The following TDRD12 variants were observed in gnomAD, a reference collection of about 807,000 sequenced individuals.
The protein encoded by TDRD12 is tudor domain containing 12.
Under a neutral mutation model 133.5 loss-of-function variants are expected in TDRD12, and 158 were observed. The observed-to-expected ratio is 1.18, with a 90% CI of 1.04 to 1.35. The LOEUF (loss-of-function observed/expected upper bound fraction) is 1.35. TDRD12 is among the 40% of genes most tolerant of loss of function. TDRD12 has a pLI of 0.00. For missense variants in TDRD12, 1,443 were observed against 1,321.3 expected (o/e 1.09, Z -1.43); for synonymous variants, 460 against 477.9 (o/e 0.96, Z 0.49).
At chr19:32,762,043 C>G (rs903114553) in intron 8 of TDRD12, among the ~76,000 whole-genome samples, 2 of 150,630 alleles carry the variant, frequency 1.3e-5, no homozygotes, top group African/African-American at 4.9e-5. Flanking sequence ...TTTTTGTCCT[C>G]TTAGTGTTGA....
At position 32,720,218 on chromosome 19, in the gene TDRD12, G is replaced by A. The variant is rs1339721159; in HGVS notation, c.24+122G>A. 1.8e-5 allele frequency: 19 copies of A among 1,041,936 alleles called. 1 individual carries two copies. The highest frequency in any genetic ancestry group is 1.5e-4 in the African/African-American group (7 of 47,864). 64.5% of individuals were successfully genotyped at this position (1,041,936 alleles called of 1,614,324 possible). The stretch of plus-strand genomic sequence containing the variant: ...AGCTTCCTACACCCACCGCAGCCCC[G>A]CACAGCCTCCCACCCCCGACCCCAA... On this transcript the variant is annotated intron_variant, in intron 1 of 27. Transcript: ENST00000444215.
At chr19:32,820,483 T>C (rs569594388) in intron 27 of TDRD12, among the ~76,000 whole-genome samples, 1 of 152,152 alleles carries the variant, frequency 6.6e-6, no homozygotes, top group Non-Finnish European at 1.5e-5. Context: ...CATTTAAAAA[T>C]TTTAAAATAA....
At chr19:32,784,586 T>G (rs1420044443) in intron 11 of TDRD12, among the ~76,000 whole-genome samples, 1 of 152,214 alleles carries the variant, frequency 6.6e-6, no homozygotes, top group Non-Finnish European at 1.5e-5. Flanking sequence ...TTTCTACCTC[T>G]GGTAGAATTC....
At chr19:32,738,767 T>C in intron 2 of TDRD12, 89 bp from the exon 3 acceptor site, 1 of 1,347,438 alleles carries the variant, frequency 7.4e-7, no homozygotes, top group Non-Finnish European at 1.0e-6. Flanking sequence ...GAGCTGAGAT[T>C]GTGCCACTGC....
intron 4 of TDRD12, among the ~76,000 whole-genome samples, chr19:32,747,605 A>G (rs1030883075): frequency 2.6e-5 from 4 of 152,134 alleles, no homozygotes; most frequent in South Asian, 2.1e-4. Context: ...AGCTTTTCCT[A>G]CAATTTTCTT....
At chr19:32,735,751 C>T (rs1406789050) in intron 2 of TDRD12, among the ~76,000 whole-genome samples, 2 of 152,160 alleles carry the variant, frequency 1.3e-5, no homozygotes, top group Non-Finnish European at 2.9e-5. Flanking sequence ...GGGTGGATCA[C>T]CTAAGGTCAG....
At chr19:32,771,261 CCCAGGTTCA>C (rs1215714173) in intron 8 of TDRD12, among the ~76,000 whole-genome samples, 2 of 152,196 alleles carry the variant, frequency 1.3e-5, no homozygotes, top group Non-Finnish European at 2.9e-5. Flanking sequence ...ACCTCCACTT[CCCAGGTTCA>C]AGTGATTCTC....
chr19:32,822,132 A>AAAACAAT (rs1967418790), downstream of TDRD12, among the ~76,000 whole-genome samples: 1 of 152,018 alleles, frequency 6.6e-6, no homozygotes, highest in Admixed American at 6.6e-5. Flanking sequence ...CAAAAAACAA[A>AAAACAAT]AACAAAAACA....
intron 11 of TDRD12, among the ~76,000 whole-genome samples, chr19:32,779,735 A>G (rs1970707780): frequency 2.0e-5 from 3 of 151,910 alleles, no homozygotes; most frequent in Non-Finnish European, 4.4e-5. Context: ...GTGAGTCTCA[A>G]CTCTGTGTGT....
intron 19 of TDRD12, 37 bp from the exon 20 acceptor site, chr19:32,802,619 C>G: frequency 6.5e-7 from 1 of 1,531,300 alleles, no homozygotes; most frequent in South Asian, 1.2e-5. Context: ...TGCGGTAACT[C>G]CAGCGCGTGT....
At chr19:32,780,880 C>G (rs2145629881) in intron 11 of TDRD12, among the ~76,000 whole-genome samples, 1 of 151,310 alleles carries the variant, frequency 6.6e-6, no homozygotes, top group South Asian at 2.1e-4. Flanking sequence ...GCCTCAACCT[C>G]CCGAGTAGCT....
At chr19:32,751,866 T>A (rs1193450784) in intron 6 of TDRD12, among the ~76,000 whole-genome samples, 2 of 151,854 alleles carry the variant, frequency 1.3e-5, no homozygotes. Flanking sequence ...ATTTTTAATT[T>A]TTATTATTTA....
chr19:32,731,107 A>G lies in TDRD12; in HGVS notation c.25-618A>G, dbSNP rs112102606. 4.7e-4 allele frequency among the ~76,000 whole-genome samples: 72 copies of G among 152,290 alleles called. 1 individual carries two copies. Among genetic ancestry groups the G allele is most frequent in the African/African-American group, 1.7e-3 (71 of 41,560 alleles). On this transcript the variant is annotated intron_variant, in intron 1 of 27. Transcript: ENST00000444215. ...ATAACAATAGTACATAACAAAATAC[A>G]TTCCAGGAAGTCTGACTTTCTTCCG...
chr19:32,815,797 C>T (rs998746278), intron 26 of TDRD12, among the ~76,000 whole-genome samples, 177 bp downstream of exon 26: 1 of 152,156 alleles, frequency 6.6e-6, no homozygotes, highest in African/African-American at 2.4e-5. Context: ...AGATCAAGAC[C>T]ATCCTGGCCA....
intron 13 of TDRD12, among the ~76,000 whole-genome samples, chr19:32,791,347 GT>G (rs1171737068): frequency 1.3e-5 from 2 of 152,286 alleles, no homozygotes; most frequent in East Asian, 3.9e-4. Context: ...CAGGATGCCT[GT>G]GGACAGGGCT....
exon 10 of TDRD12, chr19:32,829,327 T>TTTTTTCAGACATTCAAATGTTC (rs1967685166): frequency 6.6e-6 from 1 of 152,250 alleles, no homozygotes; most frequent in Non-Finnish European, 1.5e-5. Context: ...GATCTGTTTC[T>TTTTTTCAGACATTCAAATGTTC]TTTTTCAGAC....
At chr19:32,804,895 CA>C (rs961329883) in intron 21 of TDRD12, among the ~76,000 whole-genome samples, 289 of 137,970 alleles carry the variant, frequency 2.1e-3, no homozygotes, top group Middle Eastern at 3.7e-3. Flanking sequence ...GATTCCATCT[CA>C]AAAAAAAAAA....
chr19:32,810,378 A>ATG, intron 23 of TDRD12, 101 bp downstream of exon 23: 1 of 988,378 alleles, frequency 1.0e-6, no homozygotes, highest in Non-Finnish European at 1.4e-6. Flanking sequence ...CTGAGTGTGT[A>ATG]TGTGAGCCTG....
intron 1 of TDRD12, among the ~76,000 whole-genome samples, chr19:32,728,894 G>A (rs1385764311): frequency 4.7e-5 from 7 of 148,570 alleles, no homozygotes; most frequent in South Asian, 2.1e-4. Flanking sequence ...TGATCCGCCC[G>A]TCTCGGCCTC....
Sources: gnomAD v4.1 joint callset for allele counts (sites outside exome capture counted in the v4.1 genomes callset) on GRCh38, gnomAD v4.1.1 for gene constraint, MANE v1.5 for transcripts, NCBI Gene and HGNC (gene_info 2026-07-23, HGNC 2026-07-21) for gene names.